FGFR3: variants seen among roughly 807,000 people sequenced by gnomAD.
FGFR3 encodes fibroblast growth factor receptor 3.
In FGFR3, 25 loss-of-function variants were observed where a neutral mutation model predicts 82.9. That is an observed-to-expected ratio of 0.30 (90% CI 0.22 to 0.42). The LOEUF is 0.42. Among genes scored for constraint, FGFR3 ranks in the 10% least tolerant of loss-of-function variants. The pLI is 1.00. For missense variants in FGFR3, 1,026 were observed against 1,161.0 expected (o/e 0.88, Z 1.69); for synonymous variants, 620 against 516.0 (o/e 1.20, Z -2.73).
In FGFR3 at chr4:1,807,076, G is replaced by A. The variant is rs781636461; in HGVS notation, c.2275-40G>A. 3.2e-6 allele frequency: 5 copies of A among 1,555,844 alleles called. No individual in the cohort carries two copies. The Admixed American group carries it at 7.7e-5, about 24-fold the overall frequency. On this transcript the variant is annotated intron_variant, in intron 17 of 17. Coordinates refer to ENST00000440486, the MANE Select transcript of FGFR3 (RefSeq NM_000142.5). ...GCACAGAGGTGGCTGTGCGAAGAGG[G>A]GCTCGGTGGCACAGCGCTCACCCCG... is the stretch of plus-strand genomic sequence containing the variant.
chr4:1,800,922 G>A (rs757202753), intron 4 of FGFR3, among the ~76,000 whole-genome samples: 23 of 152,280 alleles, frequency 1.5e-4, no homozygotes, highest in Non-Finnish European at 2.4e-4. Flanking sequence ...CTTGATTTCC[G>A]TGGGCCCATG....
Position 1,795,780 on chromosome 4 carries a change from C to T in FGFR3, c.109+1737C>T, listed in dbSNP as rs150760224. ...TACACAAGGTCGGCTCTCCCACAGTCCCACCCCACCCAGCAGGGGTCTGGG... is the reference window on the plus strand; with the variant it reads ...TACACAAGGTCGGCTCTCCCACAGTTCCACCCCACCCAGCAGGGGTCTGGG... On this transcript the variant is annotated intron_variant, in intron 2 of 17. Transcript: ENST00000440486. 3.5e-3 allele frequency among the ~76,000 whole-genome samples: 531 copies of T among 152,278 alleles called. 2 individuals are homozygous for T. The highest frequency in any genetic ancestry group is 0.012 in the African/African-American group (508 of 41,550).
In FGFR3 at chr4:1,807,211, C is replaced by T. The variant is rs138078624; in HGVS notation, c.2370C>T (p.Ala790=). 1.2e-6 allele frequency: 2 copies of T among 1,608,548 alleles called. No homozygotes were observed. The highest frequency in any genetic ancestry group is 1.7e-6 in the Non-Finnish European group (2 of 1,178,378). The change falls in exon 18 of 18, where the codon GCC becomes GCT. Residue 790 remains alanine, a synonymous_variant. Transcript: ENST00000440486. ...CCTCAGGGGACGACTCCGTGTTTGC[C>T]CACGACCTGCTGCCCCCGGCCCCAC... is the stretch of plus-strand genomic sequence containing the variant. ...SSSSGDDSVF[A]HDLLPPAPPS... is the part of the protein sequence containing the mutation.
chr4:1,799,414 G>A lies in FGFR3; in HGVS notation c.270G>A (p.Gly90=), dbSNP rs779757540. The change falls in exon 3 of 18, where the codon GGG becomes GGA. Residue 90 remains glycine, a synonymous_variant. Coordinates refer to ENST00000440486, the MANE Select transcript of FGFR3 (RefSeq NM_000142.5). The part of the protein sequence containing the change: ...GLVPSERVLV[G]PQRLQVLNAS... ...TGCCCTCGGAGCGTGTCCTGGTGGG[G>A]CCCCAGCGGCTGCAGGTGCTGAATG... The A allele has an allele frequency of 1.9e-6, 3 of 1,611,724 alleles. No individual in the cohort carries two copies. Among genetic ancestry groups the A allele is most frequent in the East Asian group, 2.2e-5 (1 of 44,856 alleles).
At chr4:1,797,143 C>T (rs1012864787) in intron 2 of FGFR3, among the ~76,000 whole-genome samples, 3 of 152,152 alleles carry the variant, frequency 2.0e-5, no homozygotes, top group African/African-American at 7.2e-5. Flanking sequence ...GTCAGTGGGG[C>T]CTCCCTTTTG....
chr4:1,804,040 G>A (rs909706352), intron 8 of FGFR3, among the ~76,000 whole-genome samples: 6 of 152,170 alleles, frequency 3.9e-5, no homozygotes, highest in African/African-American at 1.4e-4. Context: ...CAGCCCCCTC[G>A]AGCCCACTTC....
intron 2 of FGFR3, among the ~76,000 whole-genome samples, chr4:1,798,588 C>T (rs1015445280): frequency 1.4e-4 from 21 of 150,142 alleles, no homozygotes; most frequent in Admixed American, 1.2e-3. Context: ...GACCGGTGAA[C>T]CCGCGCATCG....
In FGFR3 at chr4:1,794,548, C is replaced by G. The variant is rs3135837; in HGVS notation, c.109+505C>G. 1.1e-3 allele frequency among the ~76,000 whole-genome samples: 170 copies of G among 152,338 alleles called. 1 individual carries two copies. Among genetic ancestry groups the G allele is most frequent in the South Asian group, 7.3e-3 (35 of 4,826 alleles). On this transcript the variant is annotated intron_variant, in intron 2 of 17. Coordinates refer to ENST00000440486, the MANE Select transcript of FGFR3 (RefSeq NM_000142.5). ...AAGAGGCAGCAGCCTCCAGCGTCCC[C>G]GCTGCCGACCCTGCCCCTGCCTGGG...
Position 1,801,464 on chromosome 4 carries a change from C to T in FGFR3, c.543C>T (p.Asn181=), listed in dbSNP as rs1378427611. Residue 181 remains asparagine, a synonymous_variant, in exon 5 of 18, where the codon AAC becomes AAT. Coordinates refer to ENST00000440486, the MANE Select transcript of FGFR3 (RefSeq NM_000142.5). ...TVRFRCPAAG[N]PTPSISWLKN... is the part of the protein sequence containing the mutation. The stretch of plus-strand genomic sequence containing the variant: ...GCTTCCGCTGCCCAGCCGCTGGCAA[C>T]CCCACTCCCTCCATCTCCTGGCTGA... 1.9e-6 allele frequency: 3 copies of T among 1,554,040 alleles called. No individual in the cohort carries two copies. Among genetic ancestry groups the T allele is most frequent in the African/African-American group, 2.7e-5 (2 of 73,318 alleles).
At chr4:1,804,246 G>T (rs2108795478) in intron 8 of FGFR3, 84 bp from the exon 9 acceptor site, 9 of 1,468,986 alleles carry the variant, frequency 6.1e-6, no homozygotes, top group African/African-American at 1.4e-5. Flanking sequence ...TCCCAGTGGT[G>T]CCTGCGGCTC....
At position 1,804,661 on chromosome 4, in the gene FGFR3, T is replaced by C. The variant is rs1436279777; in HGVS notation, c.1266+141T>C. ...CCCCTCTCCTCGTCTCTGCTCACCA[T>C]GTAGAGCCTAGGGTACTTTGGGGCA... On this transcript the variant is annotated intron_variant, in intron 9 of 17. Transcript: ENST00000440486. The C allele has an allele frequency of 1.1e-5, 16 of 1,424,708 alleles. No individual in the cohort carries two copies. The Admixed American group carries it at 1.7e-4, about 15-fold the overall frequency. 88.3% of individuals were successfully genotyped at this position (1,424,708 alleles called of 1,614,324 possible).
chr4:1,805,742 G>T lies in FGFR3; in HGVS notation c.1646-8G>T. 1 of 1,612,330 alleles carries T rather than the reference G, an allele frequency of 6.2e-7. No individual in the cohort carries two copies. Among genetic ancestry groups the T allele is most frequent in the Non-Finnish European group, 8.5e-7 (1 of 1,179,572 alleles). On this transcript the variant is annotated splice_region_variant and splice_polypyrimidine_tract_variant and intron_variant, in intron 12 of 17. Coordinates refer to ENST00000440486, the MANE Select transcript of FGFR3 (RefSeq NM_000142.5). ...CTGGCAGCCCGTCTGAGGAGCCCGT[G>T]TCCCCAGGGCCCCTGTACGTGCTGG...
chr4:1,796,556 C>T (rs1177572922), intron 2 of FGFR3, among the ~76,000 whole-genome samples: 13 of 152,156 alleles, frequency 8.5e-5, no homozygotes, highest in Admixed American at 7.9e-4. Flanking sequence ...CCTGGGGCAG[C>T]CAGCTCCGGA....
chr4:1,796,517 C>T (rs1470198813), intron 2 of FGFR3, among the ~76,000 whole-genome samples: 3 of 152,116 alleles, frequency 2.0e-5, no homozygotes, highest in African/African-American at 4.8e-5. Context: ...ACCCCAGGCC[C>T]TCATCTCACC....
At position 1,807,286 on chromosome 4, in the gene FGFR3, TGA is replaced by T; in HGVS notation, c.*26_*27del. On this transcript the variant is annotated 3_prime_UTR_variant, in exon 18 of 18. Transcript: ENST00000440486. ...GAAGGGCCACTGGTCCCCAACAATG[TGA>T]GGGGTCCCTAGCAGCCCACCCTGCT... 6.3e-7 allele frequency: 1 copy of T among 1,580,014 alleles called. No individual in the cohort carries two copies. Among genetic ancestry groups the T allele is most frequent in the Non-Finnish European group, 8.6e-7 (1 of 1,166,664 alleles).
Position 1,805,898 on chromosome 4 carries a change from C to T in FGFR3, c.1794C>T (p.Ala598=). The T allele has an allele frequency of 1.2e-6, 2 of 1,612,316 alleles. No homozygotes were observed. The highest frequency in any genetic ancestry group is 1.7e-6 in the Non-Finnish European group (2 of 1,179,364). ...CCTTCAAGGACCTGGTGTCCTGTGC[C>T]TACCAGGTGGCCCGGGGCATGGAGT... is the stretch of plus-strand genomic sequence containing the variant. ...QLTFKDLVSC[A]YQVARGMEYL... The change falls in exon 13 of 18, where the codon GCC becomes GCT. Residue 598 remains alanine, a synonymous_variant. Coordinates refer to ENST00000440486, the MANE Select transcript of FGFR3 (RefSeq NM_000142.5).
Position 1,801,425 on chromosome 4 carries a change from C to T in FGFR3, c.504C>T (p.Ala168=), listed in dbSNP as rs543545800. 6.6e-5 allele frequency: 103 copies of T among 1,552,882 alleles called. 1 individual carries two copies. Among genetic ancestry groups the T allele is most frequent in the South Asian group, 3.1e-4 (26 of 84,340 alleles). ...RMDKKLLAVP[A]ANTVRFRCPA... ...ACAAGAAGCTGCTGGCCGTGCCGGCCGCCAACACCGTCCGCTTCCGCTGCC... is the reference window on the plus strand; with the variant it reads ...ACAAGAAGCTGCTGGCCGTGCCGGCTGCCAACACCGTCCGCTTCCGCTGCC... Residue 168 remains alanine, a synonymous_variant, in exon 5 of 18, where the codon GCC becomes GCT. Transcript: ENST00000440486.
intron 2 of FGFR3, among the ~76,000 whole-genome samples, chr4:1,795,059 GCCCGCGCC>G (rs1560388676): frequency 6.6e-6 from 1 of 151,618 alleles, no homozygotes; most frequent in Non-Finnish European, 1.5e-5. Flanking sequence ...CGTCCGCCCC[GCCCGCGCC>G]CCCGCGCCCC....
Position 1,799,248 on chromosome 4 carries a change from C to A in FGFR3, c.110-6C>A. ...CCTGCCTCATGGTTGCCCATCTTCC[C>A]CACAGAAGTCCCGGGCCCAGAGCCC... On this transcript the variant is annotated splice_polypyrimidine_tract_variant and splice_region_variant and intron_variant, in intron 2 of 17. Coordinates refer to ENST00000440486, the MANE Select transcript of FGFR3 (RefSeq NM_000142.5). 1.2e-6 allele frequency: 2 copies of A among 1,612,314 alleles called. No homozygotes were observed. The highest frequency in any genetic ancestry group is 1.1e-5 in the South Asian group (1 of 91,056).
Sources: allele counts gnomAD v4.1 joint callset (sites outside exome capture counted in the v4.1 genomes callset), GRCh38; gene constraint gnomAD v4.1.1; transcripts MANE v1.5; gene names NCBI Gene and HGNC (gene_info 2026-07-23, HGNC 2026-07-21).